Variants in KANSL1L observed in about 807,000 individuals in gnomAD.
KANSL1L encodes the protein KAT8 regulatory NSL complex subunit 1-like protein.
A neutral mutation model predicts 108.6 loss-of-function variants in KANSL1L; 25 were observed. The ratio of observed to expected loss-of-function variants is 0.23; its 90% CI spans 0.17 to 0.32. KANSL1L has a LOEUF of 0.32. Ranked by LOEUF, KANSL1L falls within the 10% of genes least tolerant of loss-of-function variation. KANSL1L has a pLI of 1.00. For missense variants in KANSL1L, 1,137 were observed against 1,125.7 expected (o/e 1.01, Z -0.14); for synonymous variants, 405 against 395.1 (o/e 1.03, Z -0.30).
At chr2:210,129,309 G>T in intron 2 of KANSL1L, 137 bp from the exon 3 acceptor site, 1 of 658,762 alleles carries the variant, frequency 1.5e-6, no homozygotes, top group Non-Finnish European at 2.5e-6. Flanking sequence ...AGAGAGAATG[G>T]CAGATTGACT....
chr2:210,141,549 C>T (rs1344921583), intron 2 of KANSL1L, among the ~76,000 whole-genome samples: 9 of 152,162 alleles, frequency 5.9e-5, no homozygotes, highest in Non-Finnish European at 1.3e-4. Flanking sequence ...AATCCGCTGA[C>T]AACTTGGCCT....
At chr2:210,039,914 TTAAATA>T (rs1429290423) in intron 8 of KANSL1L, among the ~76,000 whole-genome samples, 1 of 151,874 alleles carries the variant, frequency 6.6e-6, no homozygotes. Flanking sequence ...ATCTATTTTC[TTAAATA>T]TAAACAAAAT....
intron 5 of KANSL1L, among the ~76,000 whole-genome samples, chr2:210,091,159 C>T (rs554983342): frequency 2.0e-4 from 30 of 152,230 alleles, no homozygotes; most frequent in African/African-American, 5.8e-4. Flanking sequence ...GTACCCATCA[C>T]CAAATTTTAA....
chr2:210,112,333 C>T (rs1425089262), intron 3 of KANSL1L, among the ~76,000 whole-genome samples: 1 of 152,038 alleles, frequency 6.6e-6, no homozygotes, highest in Non-Finnish European at 1.5e-5. Context: ...ACACCTTATA[C>T]AACAAGAACA....
At chr2:210,089,257 AG>A (rs1291934961) in intron 5 of KANSL1L, among the ~76,000 whole-genome samples, 3 of 152,198 alleles carry the variant, frequency 2.0e-5, no homozygotes, top group Admixed American at 1.3e-4. Context: ...CTTTCCATAT[AG>A]TTTCTAGGGT....
In KANSL1L at chr2:210,111,321, ATTAC is replaced by A. The variant is rs553326606; in HGVS notation, c.1231-7024_1231-7021del. The stretch of plus-strand genomic sequence containing the variant: ...ACTGCTCAACAATAAAAAAGAAAAA[ATTAC>A]TTATATATACAGCAACAAAGATGAA... On this transcript the variant is annotated intron_variant, in intron 3 of 14. Coordinates refer to ENST00000281772, the MANE Select transcript of KANSL1L (RefSeq NM_152519.4). Among the ~76,000 whole-genome samples, 239 of 152,284 alleles carry A rather than the reference ATTAC, an allele frequency of 1.6e-3. 2 individuals are homozygous for A. The highest frequency in any genetic ancestry group is 5.5e-3 in the African/African-American group (227 of 41,578).
chr2:210,048,455 CA>C (rs2094250248), intron 6 of KANSL1L, among the ~76,000 whole-genome samples: 1 of 151,586 alleles, frequency 6.6e-6, no homozygotes, highest in African/African-American at 2.4e-5. Flanking sequence ...ATCATATTAG[CA>C]ATTTTCTGAT....
At chr2:210,164,543 C>T (rs1258725773) in intron 1 of KANSL1L, among the ~76,000 whole-genome samples, 1 of 152,092 alleles carries the variant, frequency 6.6e-6, no homozygotes, top group Non-Finnish European at 1.5e-5. Context: ...TTATTTCTTT[C>T]ATATACACCC....
At position 210,022,419 on chromosome 2, in the gene KANSL1L, T is replaced by G. The variant is rs978309656; in HGVS notation, c.*530A>C. The G allele has an allele frequency of 6.5e-5, 10 of 153,952 alleles. No homozygotes were observed. The highest frequency in any genetic ancestry group is 2.4e-4 in the African/African-American group (10 of 41,440). 9.5% of individuals were successfully genotyped at this position (153,952 alleles called of 1,614,324 possible). A position where few individuals can be genotyped will look rare whatever the true frequency, so the allele number is the denominator to read the frequency against. On this transcript the variant is annotated 3_prime_UTR_variant, in exon 15 of 15. Transcript: ENST00000281772. ...CTGCAGCTTACATTTCATAGGGTAG[T>G]TCATACATGCATTTCCAAGGGGAGT...
chr2:210,024,387 A>T (rs2093905941), intron 13 of KANSL1L, among the ~76,000 whole-genome samples, 186 bp from the exon 14 acceptor site: 1 of 152,160 alleles, frequency 6.6e-6, no homozygotes, highest in Non-Finnish European at 1.5e-5. Context: ...ATAGTACTTT[A>T]TGAAATATTT....
At chr2:210,127,860 T>A (rs903511569) in intron 3 of KANSL1L, among the ~76,000 whole-genome samples, 2 of 128,612 alleles carry the variant, frequency 1.6e-5, no homozygotes, top group Admixed American at 7.9e-5. Context: ...ATAAATCATA[T>A]ATCTGATAAG....
chr2:210,056,746 T>C (rs567524147), intron 6 of KANSL1L, among the ~76,000 whole-genome samples: 28 of 152,264 alleles, frequency 1.8e-4, no homozygotes, highest in Admixed American at 1.4e-3. Context: ...CTCCCAAAGA[T>C]TGGATTACAG....
chr2:210,104,842 T>C (rs538847184), intron 3 of KANSL1L, among the ~76,000 whole-genome samples: 3 of 152,266 alleles, frequency 2.0e-5, no homozygotes, highest in African/African-American at 7.2e-5. Context: ...GGGATAGGAC[T>C]GCACCACTGA....
At chr2:210,146,285 C>T (rs2095265339) in intron 2 of KANSL1L, among the ~76,000 whole-genome samples, 1 of 152,086 alleles carries the variant, frequency 6.6e-6, no homozygotes. Context: ...ACATTTGAGC[C>T]CTCCCAAGGC....
At chr2:210,078,289 T>C (rs577860654) in intron 5 of KANSL1L, among the ~76,000 whole-genome samples, 1 of 152,324 alleles carries the variant, frequency 6.6e-6, no homozygotes, top group South Asian at 2.1e-4. Flanking sequence ...GTATATGTGG[T>C]CCTTCGTTGA....
intron 5 of KANSL1L, among the ~76,000 whole-genome samples, chr2:210,076,539 G>T (rs1355666579): frequency 6.6e-6 from 1 of 151,998 alleles, no homozygotes; most frequent in East Asian, 1.9e-4. Flanking sequence ...AGTGAATTTT[G>T]AAACAGAGCT....
At chr2:210,150,469 A>G (rs1009030804) in intron 2 of KANSL1L, among the ~76,000 whole-genome samples, 2 of 152,222 alleles carry the variant, frequency 1.3e-5, no homozygotes, top group Admixed American at 6.5e-5. Context: ...ATCAAAATTG[A>G]CATGCCTTTG....
intron 7 of KANSL1L, among the ~76,000 whole-genome samples, chr2:210,042,556 G>C (rs2094176789): frequency 6.6e-6 from 1 of 152,242 alleles, no homozygotes; most frequent in East Asian, 1.9e-4. Flanking sequence ...TTTATTAGCC[G>C]AGTAATCTTG....
Position 210,129,087 on chromosome 2 carries a change from G to C in KANSL1L, c.1174C>G (p.Leu392Val). The change falls in exon 3 of 15, where the codon CTA (leucine) becomes GTA (valine). Residue 392 changes from leucine to valine, a missense_variant. Physicochemically the swap from Leu to Val is conservative, Grantham distance 32. Around this residue, in one of 3 missense-constraint regions of KANSL1L, gnomAD observed 556 missense variants for 537.7 expected, o/e 1.03. Coordinates refer to ENST00000281772, the MANE Select transcript of KANSL1L (RefSeq NM_152519.4). ...GTTAGTTGTTGGATTTTGCATTCTA[G>C]GTCTGAAATCTGAGCTTGAAGCCAA... ...WTWLQAQISD[L>V]ECKIQQLTDI... The C allele has an allele frequency of 6.2e-7, 1 of 1,613,840 alleles. No homozygotes were observed. Among genetic ancestry groups the C allele is most frequent in the South Asian group, 1.1e-5 (1 of 91,078 alleles).
Sources: allele counts gnomAD v4.1 joint callset (sites outside exome capture counted in the v4.1 genomes callset), GRCh38; gene constraint gnomAD v4.1.1; regional missense constraint gnomAD v4.1.1; transcripts MANE v1.5; gene names NCBI Gene and HGNC (gene_info 2026-07-23, HGNC 2026-07-21).